The following ROS1 variants were observed in gnomAD, a reference collection of about 807,000 sequenced individuals.
The protein encoded by ROS1 is proto-oncogene tyrosine-protein kinase ROS.
A neutral mutation model predicts 273.5 loss-of-function variants in ROS1; 263 were observed. The observed-to-expected ratio is 0.96, with a 90% confidence interval of 0.87 to 1.06. The LOEUF (loss-of-function observed/expected upper bound fraction) is 1.06. ROS1 is among the 50% of genes least tolerant of loss of function. The pLI is 0.00. For synonymous variants in ROS1, 1,008 were observed against 954.1 expected (o/e 1.06, Z -1.04); for missense variants, 2,833 against 2,751.1 (o/e 1.03, Z -0.67).
intron 42 of ROS1, among the ~76,000 whole-genome samples, chr6:117,302,184 C>T (rs1195399883): frequency 6.6e-6 from 1 of 152,174 alleles, no homozygotes; most frequent in African/African-American, 2.4e-5. Flanking sequence ...AGAAAAGAAA[C>T]TTCATTTAGT....
At chr6:117,351,970 T>C (rs1778900461) in intron 27 of ROS1, among the ~76,000 whole-genome samples, 1 of 152,258 alleles carries the variant, frequency 6.6e-6, no homozygotes, top group Non-Finnish European at 1.5e-5. Context: ...AGAGAGTTTA[T>C]GTCATTCATA....
intron 43 of ROS1, among the ~76,000 whole-genome samples, chr6:117,300,022 ATGCCATTCTCC>A (rs1449078021): frequency 7.4e-6 from 1 of 135,604 alleles, no homozygotes; most frequent in East Asian, 2.2e-4. Context: ...TCCCGGGTTC[ATGCCATTCTCC>A]TGCCTCAGCC....
chr6:117,414,050 A>T (rs905245445), intron 4 of ROS1, among the ~76,000 whole-genome samples: 3 of 152,186 alleles, frequency 2.0e-5, no homozygotes, highest in Non-Finnish European at 4.4e-5. Context: ...GTAAGCAAGC[A>T]AGCAAGCAAG....
Position 117,329,400 on chromosome 6 carries a change from A to C in ROS1, c.5277T>G (p.Ser1759Arg), listed in dbSNP as rs1268010906. The C allele has an allele frequency of 6.2e-7, 1 of 1,602,462 alleles. No individual in the cohort carries two copies. Among genetic ancestry groups the C allele is most frequent in the East Asian group, 2.2e-5 (1 of 44,714 alleles). ...KPGIPKLLEGSKNSIQWEKAE... is the reference protein window; with the variant it reads ...KPGIPKLLEGRKNSIQWEKAE... Reference sequence around the variant, plus strand: ...CTTTCTCCCACTGTATTGAATTTTTACTCCCTTCTAGTAATTTGGGAATGC... The same window carrying C: ...CTTTCTCCCACTGTATTGAATTTTTCCTCCCTTCTAGTAATTTGGGAATGC... Residue 1759 changes from serine to arginine, a missense_variant, in exon 33 of 44, where the codon AGT becomes AGG. Transcript: ENST00000368507.
chr6:117,366,177 A>G lies in ROS1; in HGVS notation c.2696T>C (p.Ile899Thr), dbSNP rs1030521764. Residue 899 changes from isoleucine (I) to threonine (T), a missense_variant, in exon 19 of 44, where the codon ATC becomes ACC. Ile to Thr is a moderately conservative substitution (Grantham distance 89, BLOSUM62 -1). Transcript: ENST00000368507. The stretch of plus-strand genomic sequence containing the variant: ...TTTCTGACCTATTTCTTGAGTTGTG[A>G]TAATCCTAAAGCCATTGATCCAGAA... ...RLFWINGFRI[I>T]TTQEIGQKTS... The G allele has an allele frequency of 9.9e-6, 16 of 1,613,962 alleles. No individual in the cohort carries two copies. Among genetic ancestry groups the G allele is most frequent in the African/African-American group, 1.3e-5 (1 of 74,910 alleles).
intron 26 of ROS1, among the ~76,000 whole-genome samples, chr6:117,353,546 A>G (rs1287708480): frequency 6.6e-6 from 1 of 152,242 alleles, no homozygotes; most frequent in Non-Finnish European, 1.5e-5. Flanking sequence ...CATAGGGCTC[A>G]GTGCATTTCT....
intron 43 of ROS1, among the ~76,000 whole-genome samples, chr6:117,300,388 G>T (rs538759694): frequency 1.5e-4 from 23 of 151,882 alleles, no homozygotes; most frequent in African/African-American, 5.3e-4. Flanking sequence ...TAGCAACATG[G>T]ACAGACCTTA....
Position 117,396,927 on chromosome 6 carries a change from T to C in ROS1, c.794A>G (p.Asn265Ser). The change falls in exon 8 of 44, where the codon AAT becomes AGT. Residue 265 changes from asparagine to serine, a missense_variant. Physicochemically the swap from Asn to Ser is conservative, Grantham distance 46 (BLOSUM62 1). Coordinates refer to ENST00000368507, the MANE Select transcript of ROS1 (RefSeq NM_001378902.1). The stretch of plus-strand genomic sequence containing the variant: ...ACTTAATTCTTACCTGTAGATAGTA[T>C]TTGGTAAAGTGGAGTAAAACTGGAA... ...TSFQFYSTLP[N>S]TIYRFSIAAV... 6.2e-7 allele frequency: 1 copy of C among 1,611,978 alleles called. No individual in the cohort carries two copies. Among genetic ancestry groups the C allele is most frequent in the Non-Finnish European group, 8.5e-7 (1 of 1,178,052 alleles).
At chr6:117,420,386 G>C (rs72969437) in intron 1 of ROS1, among the ~76,000 whole-genome samples, 17,467 of 139,042 alleles carry the variant, frequency 0.13, 1,180 homozygotes, top group African/African-American at 0.16. Context: ...CCCACCTCAG[G>C]CAGAACTAAT....
chr6:117,292,154 T>G (rs1416884961), intron 43 of ROS1, among the ~76,000 whole-genome samples: 1 of 152,000 alleles, frequency 6.6e-6, no homozygotes, highest in Non-Finnish European at 1.5e-5. Flanking sequence ...TATTTTTTAG[T>G]AGAGACGCGG....
rs576109715 is a variant in ROS1 at position 117,333,503 on chromosome 6, C to T, written c.5230+3669G>A. On this transcript the variant is annotated intron_variant, in intron 32 of 43. Coordinates refer to ENST00000368507, the MANE Select transcript of ROS1 (RefSeq NM_001378902.1). ...TTCCTAACTCATTTTATGAAGCCAGCATCATCCTGATACCAAAACTGGGAA... is the reference window on the plus strand; with the variant it reads ...TTCCTAACTCATTTTATGAAGCCAGTATCATCCTGATACCAAAACTGGGAA... Among the ~76,000 whole-genome samples, 246 of 152,298 alleles carry T rather than the reference C, an allele frequency of 1.6e-3. No individual in the cohort carries two copies. The Middle Eastern group carries it at 0.017, about 11-fold the overall frequency.
At chr6:117,378,594 T>G (rs1237244522) in intron 18 of ROS1, among the ~76,000 whole-genome samples, 1 of 152,214 alleles carries the variant, frequency 6.6e-6, no homozygotes, top group Non-Finnish European at 1.5e-5. Context: ...AGTGTAAAAT[T>G]TATTTTTAAA....
intron 8 of ROS1, 78 bp from the exon 9 acceptor site, chr6:117,396,342 A>T: frequency 2.0e-6 from 2 of 1,012,138 alleles, no homozygotes; most frequent in Non-Finnish European, 3.1e-6. Context: ...AGGAGCAATA[A>T]CATTTCTATT....
chr6:117,317,062 C>G, intron 39 of ROS1, 81 bp downstream of exon 39: 1 of 1,418,820 alleles, frequency 7.0e-7, no homozygotes, highest in Admixed American at 2.2e-5. Flanking sequence ...CCACTGCAGC[C>G]TATTAAATTT....
At chr6:117,329,471 G>T (rs2128593728) in intron 32 of ROS1, 25 bp from the exon 33 acceptor site, 1 of 1,072,388 alleles carries the variant, frequency 9.3e-7, no homozygotes, top group Non-Finnish European at 1.4e-6. Flanking sequence ...AGAAAATATT[G>T]GTTGATATGT....
chr6:117,375,958 A>G (rs1781299950), intron 18 of ROS1, among the ~76,000 whole-genome samples: 1 of 152,112 alleles, frequency 6.6e-6, no homozygotes, highest in Non-Finnish European at 1.5e-5. Flanking sequence ...GGAATGATAC[A>G]AAAACAATGA....
At chr6:117,313,858 C>T (rs1582590182) in intron 39 of ROS1, among the ~76,000 whole-genome samples, 3 of 152,180 alleles carry the variant, frequency 2.0e-5, no homozygotes, top group Middle Eastern at 3.4e-3. Flanking sequence ...TGTGATGGCT[C>T]CCATAGGCCT....
intron 22 of ROS1, among the ~76,000 whole-genome samples, chr6:117,361,750 A>C (rs1779819485): frequency 6.6e-6 from 1 of 151,882 alleles, no homozygotes; most frequent in African/African-American, 2.4e-5. Flanking sequence ...TTTTATGAAA[A>C]GAAAAACAAA....
At chr6:117,374,888 G>T (rs192490546) in intron 18 of ROS1, among the ~76,000 whole-genome samples, 1 of 152,322 alleles carries the variant, frequency 6.6e-6, no homozygotes, top group Admixed American at 6.5e-5. Flanking sequence ...GGAAAACAGT[G>T]TGAAAATTCC....
Sources: allele counts gnomAD v4.1 joint callset (sites outside exome capture counted in the v4.1 genomes callset), GRCh38; gene constraint gnomAD v4.1.1; transcripts MANE v1.5; gene names NCBI Gene and HGNC (gene_info 2026-07-23, HGNC 2026-07-21).